The following MYO1D variants were observed in gnomAD, a reference collection of about 807,000 sequenced individuals.
MYO1D encodes unconventional myosin-Id.
Under a neutral mutation model 122.0 loss-of-function variants are expected in MYO1D, and 83 were observed. The observed-to-expected ratio is 0.68, with a 90% CI of 0.57 to 0.82. MYO1D has a LOEUF of 0.82. Ranked by LOEUF, MYO1D falls within the 40% of genes least tolerant of loss-of-function variation. The pLI, the probability that MYO1D is intolerant of heterozygous loss-of-function variation, is 0.00. For missense variants in MYO1D, 1,157 were observed against 1,269.5 expected, an observed-to-expected ratio of 0.91 and a Z score of 1.35; for synonymous variants, 464 against 446.9, an observed-to-expected ratio of 1.04 and a Z score of -0.48.
chr17:32,662,181 C>T (rs1354866331), intron 16 of MYO1D, among the ~76,000 whole-genome samples: 7 of 152,112 alleles, frequency 4.6e-5, no homozygotes, highest in African/African-American at 1.4e-4. Flanking sequence ...ACGTTGGATC[C>T]GAGTTCTCCC....
At chr17:32,525,952 C>T (rs142669391) in intron 21 of MYO1D, among the ~76,000 whole-genome samples, 1 of 152,180 alleles carries the variant, frequency 6.6e-6, no homozygotes, top group South Asian at 2.1e-4. Flanking sequence ...CTGTTTGCCA[C>T]GATGGTTTTG....
intron 1 of MYO1D, among the ~76,000 whole-genome samples, chr17:32,788,280 A>G (rs1379782213): frequency 6.6e-6 from 1 of 152,068 alleles, no homozygotes; most frequent in Non-Finnish European, 1.5e-5. Context: ...TGCTGTGCAG[A>G]AGCTTTTTAG....
At chr17:32,553,549 T>A (rs920457333) in intron 21 of MYO1D, among the ~76,000 whole-genome samples, 5 of 152,194 alleles carry the variant, frequency 3.3e-5, no homozygotes, top group African/African-American at 1.2e-4. Context: ...TGGGTTTTGA[T>A]GGCACAATGA....
rs568254429 is a variant in MYO1D at position 32,570,748 on chromosome 17, A to G, written c.2864+34339T>C. ...TTGTAAAGTTCACAAACCTCTAAAA[A>G]CTCAGTGACATCCCAGTTTGATATG... On this transcript the variant is annotated intron_variant, in intron 21 of 21. Transcript: ENST00000318217. Among the ~76,000 whole-genome samples the G allele has an allele frequency of 4.6e-5, 7 of 152,148 alleles. No individual in the cohort carries two copies. In the East Asian group the frequency reaches 1.4e-3, roughly 29 times the overall value.
intron 19 of MYO1D, among the ~76,000 whole-genome samples, chr17:32,647,705 T>G (rs2088315844): frequency 9.4e-6 from 1 of 106,686 alleles, no homozygotes; most frequent in South Asian, 2.8e-4. Flanking sequence ...TTTTTTTTTT[T>G]GCATGGGTGT....
chr17:32,562,536 G>A (rs2087135421), intron 21 of MYO1D, among the ~76,000 whole-genome samples: 1 of 151,860 alleles, frequency 6.6e-6, no homozygotes, highest in Admixed American at 6.6e-5. Flanking sequence ...AGGCTGGAAT[G>A]CAATGGTGTG....
At chr17:32,801,380 G>A (rs2090459143) in intron 1 of MYO1D, among the ~76,000 whole-genome samples, 2 of 152,230 alleles carry the variant, frequency 1.3e-5, no homozygotes, top group Non-Finnish European at 2.9e-5. Context: ...AGACAGGGCT[G>A]AGGATTCGGC....
chr17:32,809,772 C>T (rs1050280566), intron 1 of MYO1D, among the ~76,000 whole-genome samples: 1 of 152,290 alleles, frequency 6.6e-6, no homozygotes, highest in East Asian at 1.9e-4. Context: ...GGCACTCATG[C>T]AGAGTTTCTG....
rs7215958 is a variant in MYO1D at position 32,659,148 on chromosome 17, C to T, written c.2312G>A (p.Arg771His). The change falls in exon 17 of 22, where the codon CGT becomes CAT. Residue 771 changes from arginine to histidine, a missense_variant. Coordinates refer to ENST00000318217, the MANE Select transcript of MYO1D (RefSeq NM_015194.3). Reference protein sequence around the residue: ...KWPSPPKVLRRFEEALQTIFN... With the variant: ...KWPSPPKVLRHFEEALQTIFN... ...AATCGTCTGCAGGGCCTCCTCAAAA[C>T]GGCGAAGAACTTTAGGAGGGCTTGG... The T allele has an allele frequency of 5.2e-3, 8,416 of 1,614,176 alleles. 249 individuals carry two copies. The African/African-American group carries it at 0.074, about 14-fold the overall frequency.
chr17:32,774,125 C>T (rs2090151064), intron 4 of MYO1D, among the ~76,000 whole-genome samples: 1 of 152,192 alleles, frequency 6.6e-6, no homozygotes, highest in African/African-American at 2.4e-5. Flanking sequence ...AGTTTCGTTC[C>T]ATGACTAGCC....
intron 20 of MYO1D, among the ~76,000 whole-genome samples, chr17:32,638,052 C>A (rs994440089): frequency 6.6e-6 from 1 of 152,178 alleles, no homozygotes; most frequent in Non-Finnish European, 1.5e-5. Context: ...AATCACCTGA[C>A]ACGTGAAAAG....
intron 21 of MYO1D, among the ~76,000 whole-genome samples, chr17:32,515,745 T>C (rs1263747768): frequency 2.0e-5 from 3 of 152,164 alleles, no homozygotes; most frequent in Non-Finnish European, 4.4e-5. Context: ...AAGTAGCAGG[T>C]GGTGGGGGAT....
In MYO1D at chr17:32,680,690, A is replaced by C. The variant is rs559210008; in HGVS notation, c.2122-21352T>G. Among the ~76,000 whole-genome samples the C allele has an allele frequency of 2.6e-3, 394 of 151,608 alleles. 1 individual carries two copies. The highest frequency in any genetic ancestry group is 8.8e-3 in the African/African-American group (362 of 41,240). ...GTATTTTATTGAGGATTTTTGCATCAATGTTCATCAAGGATATTGGTCTAA... is the reference window on the plus strand; with the variant it reads ...GTATTTTATTGAGGATTTTTGCATCCATGTTCATCAAGGATATTGGTCTAA... On this transcript the variant is annotated intron_variant, in intron 16 of 21. Transcript: ENST00000318217.
intron 1 of MYO1D, among the ~76,000 whole-genome samples, chr17:32,830,640 T>C (rs1275640439): frequency 6.6e-6 from 1 of 152,216 alleles, no homozygotes; most frequent in Non-Finnish European, 1.5e-5. Flanking sequence ...ATCTAACCTA[T>C]ATAAGCAGAA....
intron 16 of MYO1D, among the ~76,000 whole-genome samples, chr17:32,702,986 T>C (rs1192203609): frequency 2.0e-5 from 3 of 152,226 alleles, no homozygotes; most frequent in Non-Finnish European, 4.4e-5. Flanking sequence ...GCTGTAACTG[T>C]GATGCTAAGT....
At chr17:32,807,366 A>T (rs1567651539) in intron 1 of MYO1D, among the ~76,000 whole-genome samples, 3 of 151,950 alleles carry the variant, frequency 2.0e-5, no homozygotes, top group Admixed American at 6.5e-5. Flanking sequence ...ATGTATATAC[A>T]TATTTAAAAC....
At chr17:32,650,925 G>A (rs1020709084) in intron 19 of MYO1D, among the ~76,000 whole-genome samples, 1 of 151,978 alleles carries the variant, frequency 6.6e-6, no homozygotes, top group Admixed American at 6.6e-5. Flanking sequence ...GTAGTCTCTT[G>A]TTTTGTATGC....
intron 21 of MYO1D, among the ~76,000 whole-genome samples, chr17:32,581,591 C>G (rs368548026): frequency 1.3e-5 from 2 of 150,214 alleles, no homozygotes; most frequent in Admixed American, 1.3e-4. Context: ...TTTTTTTTCC[C>G]GACAGGGCCT....
intron 1 of MYO1D, among the ~76,000 whole-genome samples, chr17:32,786,493 T>C (rs1436759006): frequency 6.6e-6 from 1 of 152,172 alleles, no homozygotes; most frequent in Non-Finnish European, 1.5e-5. Context: ...CATTTTATCT[T>C]TCAACCCAGA....
Sources: allele counts gnomAD v4.1 joint callset (sites outside exome capture counted in the v4.1 genomes callset), GRCh38; gene constraint gnomAD v4.1.1; transcripts MANE v1.5; gene names NCBI Gene and HGNC (gene_info 2026-07-23, HGNC 2026-07-21).